Variants in PPARG observed in about 807,000 individuals in gnomAD.
The protein encoded by PPARG is peroxisome proliferator-activated receptor gamma.
Under a neutral mutation model 39.2 loss-of-function variants are expected in PPARG, and 17 were observed. The ratio of observed to expected loss-of-function variants is 0.43; its 90% CI spans 0.30 to 0.65. The LOEUF (loss-of-function observed/expected upper bound fraction) is 0.65. Among genes scored for constraint, PPARG ranks in the 30% least tolerant of loss-of-function variants. The pLI is 0.13. For synonymous variants in PPARG, 223 were observed against 215.7 expected (o/e 1.03, Z -0.30); for missense variants, 406 against 585.9 (o/e 0.69, Z 3.17).
At chr3:12,374,559 A>T (rs2049337312) in intron 2 of PPARG, among the ~76,000 whole-genome samples, 2 of 152,196 alleles carry the variant, frequency 1.3e-5, no homozygotes, top group South Asian at 4.1e-4. Flanking sequence ...AGATCGTGCC[A>T]CTGCATTCCA....
chr3:12,380,759 A>C (rs1414033724), intron 3 of PPARG, among the ~76,000 whole-genome samples: 1 of 152,140 alleles, frequency 6.6e-6, no homozygotes, highest in East Asian at 1.9e-4. Context: ...TTACTTCCAT[A>C]AGTTCCGCCA....
intron 2 of PPARG, among the ~76,000 whole-genome samples, chr3:12,333,343 T>C (rs1420804930): frequency 2.6e-5 from 4 of 152,216 alleles, no homozygotes; most frequent in Non-Finnish European, 5.9e-5. Flanking sequence ...TGCCCAAAGT[T>C]ACACCACTGG....
At chr3:12,392,818 A>G (rs2050128317) in intron 5 of PPARG, 66 bp downstream of exon 5, 5 of 1,590,530 alleles carry the variant, frequency 3.1e-6, no homozygotes, top group East Asian at 2.2e-5. Context: ...AGTGGACACT[A>G]AAGCCATTGC....
intron 7 of PPARG, 47 bp downstream of exon 7, chr3:12,417,201 T>TG: frequency 6.3e-7 from 1 of 1,586,704 alleles, no homozygotes. Context: ...GGGATGATGG[T>TG]GGGGTGGCCA....
At chr3:12,337,837 A>G (rs1347767112) in intron 2 of PPARG, among the ~76,000 whole-genome samples, 1 of 152,214 alleles carries the variant, frequency 6.6e-6, no homozygotes, top group East Asian at 1.9e-4. Flanking sequence ...AACTATTTAC[A>G]TAGCATTACA....
chr3:12,297,245 G>T (rs963943607), intron 1 of PPARG, among the ~76,000 whole-genome samples: 10 of 152,094 alleles, frequency 6.6e-5, no homozygotes, highest in Non-Finnish European at 1.5e-4. Flanking sequence ...TCACAACTCT[G>T]AAGAATATTT....
upstream of PPARG, chr3:12,287,397 G>GTGCA (rs2046523634): frequency 6.6e-6 from 1 of 152,280 alleles, no homozygotes; most frequent in Non-Finnish European, 1.5e-5. Context: ...CTCTGAAAGT[G>GTGCA]TGCAGCACCA....
chr3:12,317,773 A>C (rs773004928), intron 2 of PPARG, among the ~76,000 whole-genome samples: 2 of 152,170 alleles, frequency 1.3e-5, no homozygotes, highest in African/African-American at 4.8e-5. Flanking sequence ...TGACATTTCA[A>C]ATTGCTTGGA....
In PPARG at chr3:12,421,690, T is replaced by G. The variant is rs113925607; in HGVS notation, c.1180+4536T>G. Among the ~76,000 whole-genome samples the G allele has an allele frequency of 5.8e-3, 880 of 152,320 alleles. 3 individuals are homozygous for G. The highest frequency in any genetic ancestry group is 8.4e-3 in the Non-Finnish European group (574 of 68,026). On this transcript the variant is annotated intron_variant, in intron 7 of 7. Transcript: ENST00000651735. Reference sequence around the variant, plus strand: ...GAAATTCACTGGATTTTACAATATATTTTTCAAGGCAAATTGCCATCGCCG... The same window carrying G: ...GAAATTCACTGGATTTTACAATATAGTTTTCAAGGCAAATTGCCATCGCCG...
chr3:12,411,569 A>G (rs73027228), intron 6 of PPARG, among the ~76,000 whole-genome samples: 1 of 152,324 alleles, frequency 6.6e-6, no homozygotes, highest in Non-Finnish European at 1.5e-5. Context: ...GGGAAGTCCT[A>G]TAGAAAGCAA....
chr3:12,364,263 A>T (rs947242307), intron 2 of PPARG, among the ~76,000 whole-genome samples: 3 of 152,062 alleles, frequency 2.0e-5, no homozygotes, highest in Non-Finnish European at 4.4e-5. Flanking sequence ...TCCTGTTTTG[A>T]TAGTTTTGCG....
chr3:12,323,276 A>T (rs1350501329), intron 2 of PPARG, among the ~76,000 whole-genome samples: 1 of 152,218 alleles, frequency 6.6e-6, no homozygotes, highest in Non-Finnish European at 1.5e-5. Context: ...TGATTTTTGG[A>T]TTTGATGAAG....
intron 7 of PPARG, among the ~76,000 whole-genome samples, chr3:12,422,483 G>A (rs750297749): frequency 2.0e-5 from 3 of 152,128 alleles, no homozygotes; most frequent in African/African-American, 4.8e-5. Context: ...TACTTTTTGC[G>A]TATTGAGATG....
chr3:12,404,350 T>C (rs1025021401), intron 5 of PPARG, among the ~76,000 whole-genome samples: 9 of 152,136 alleles, frequency 5.9e-5, no homozygotes, highest in African/African-American at 2.2e-4. Context: ...TTATTTAGGG[T>C]CAATGGAAAT....
chr3:12,371,001 T>C (rs1008932029), intron 2 of PPARG, among the ~76,000 whole-genome samples: 2 of 152,192 alleles, frequency 1.3e-5, no homozygotes, highest in African/African-American at 2.4e-5. Flanking sequence ...CCTCTTCCTG[T>C]CCCCTAGTGG....
At chr3:12,343,973 G>T (rs1222472513) in intron 2 of PPARG, among the ~76,000 whole-genome samples, 2 of 149,210 alleles carry the variant, frequency 1.3e-5, no homozygotes, top group Non-Finnish European at 3.0e-5. Flanking sequence ...TACTTATCGT[G>T]CCTCAGCCTC....
At position 12,428,942 on chromosome 3, in the gene PPARG, C is replaced by A. The variant is rs117209672; in HGVS notation, c.1181-4956C>A. Among the ~76,000 whole-genome samples the A allele has an allele frequency of 2.9e-3, 446 of 151,206 alleles. 19 individuals carry two copies. The East Asian group carries it at 0.078, about 26-fold the overall frequency. ...AATCTTTGAGATTATCTATTTAGTC[C>A]GGTCTGTTTTGTTTAGACAAGAAAA... is the stretch of plus-strand genomic sequence containing the variant. On this transcript the variant is annotated intron_variant, in intron 7 of 7. Transcript: ENST00000651735.
chr3:12,318,859 T>G (rs2047461194), intron 2 of PPARG, among the ~76,000 whole-genome samples: 1 of 124,710 alleles, frequency 8.0e-6, no homozygotes, highest in East Asian at 2.1e-4. Context: ...ACTGTTCTAG[T>G]TTTTTTTTTC....
At chr3:12,408,786 C>T (rs2050772364) in intron 6 of PPARG, among the ~76,000 whole-genome samples, 1 of 151,706 alleles carries the variant, frequency 6.6e-6, no homozygotes, top group South Asian at 2.1e-4. Context: ...ACCTGCAATC[C>T]TTATTAGAAA....
Sources: gnomAD v4.1 joint callset for allele counts (sites outside exome capture counted in the v4.1 genomes callset) on GRCh38, gnomAD v4.1.1 for gene constraint, MANE v1.5 for transcripts, NCBI Gene and HGNC (gene_info 2026-07-23, HGNC 2026-07-21) for gene names.